Variants in CD2AP observed in about 807,000 individuals in gnomAD.
CD2AP encodes CD2-associated protein.
A neutral mutation model predicts 85.1 loss-of-function variants in CD2AP; 46 were observed. The ratio of observed to expected loss-of-function variants is 0.54; its 90% CI spans 0.43 to 0.69. The LOEUF is 0.69. Among genes scored for constraint, CD2AP ranks in the 30% least tolerant of loss-of-function variants. CD2AP has a pLI of 0.00. For missense variants in CD2AP, 769 were observed against 729.5 expected, an observed-to-expected ratio of 1.05 and a Z score of -0.62; for synonymous variants, 255 against 252.9, an observed-to-expected ratio of 1.01 and a Z score of -0.08.
At chr6:47,521,467 G>C (rs192935921) in intron 2 of CD2AP, among the ~76,000 whole-genome samples, 104 of 152,242 alleles carry the variant, frequency 6.8e-4, no homozygotes, top group African/African-American at 2.4e-3. Context: ...CAGGAGAAGT[G>C]CTTGAACCCG....
chr6:47,567,664 C>G (rs1254061667), intron 5 of CD2AP, among the ~76,000 whole-genome samples: 1 of 152,082 alleles, frequency 6.6e-6, no homozygotes, highest in African/African-American at 2.4e-5. Flanking sequence ...CCCAAAATGG[C>G]TAGGAAATTT....
At chr6:47,589,938 T>C (rs1768747310) in intron 11 of CD2AP, among the ~76,000 whole-genome samples, 2 of 152,078 alleles carry the variant, frequency 1.3e-5, no homozygotes. Flanking sequence ...CAATTCTTGA[T>C]GGGAGGAAGG....
chr6:47,533,782 A>T, intron 3 of CD2AP, 27 bp downstream of exon 3: 1 of 1,607,686 alleles, frequency 6.2e-7, no homozygotes, highest in Non-Finnish European at 8.5e-7. Flanking sequence ...TTTCCTGCAT[A>T]ATTACATCAA....
At chr6:47,622,595 A>G (rs942171632) in intron 17 of CD2AP, among the ~76,000 whole-genome samples, 2 of 152,180 alleles carry the variant, frequency 1.3e-5, no homozygotes, top group Non-Finnish European at 2.9e-5. Flanking sequence ...AAACTTCTGC[A>G]AACAGACCTT....
chr6:47,598,429 T>C (rs906806022), intron 12 of CD2AP, among the ~76,000 whole-genome samples: 1 of 151,048 alleles, frequency 6.6e-6, no homozygotes, highest in African/African-American at 2.4e-5. Flanking sequence ...TAAGTTATTA[T>C]ATGAAAAAGA....
chr6:47,561,240 C>T lies in CD2AP; in HGVS notation c.541+6474C>T, dbSNP rs149130383. ...CATGAAAACATGTACAGAACATTTC[C>T]ATCACCCCCAAAATATTGCTCATGC... On this transcript the variant is annotated intron_variant, in intron 5 of 17. Coordinates refer to ENST00000359314, the MANE Select transcript of CD2AP (RefSeq NM_012120.3). Among the ~76,000 whole-genome samples the T allele has an allele frequency of 3.5e-4, 53 of 152,264 alleles. 1 individual carries two copies. The highest frequency in any genetic ancestry group is 6.5e-4 in the Non-Finnish European group (44 of 68,022).
chr6:47,592,044 C>T (rs1017208303), intron 11 of CD2AP, among the ~76,000 whole-genome samples: 3 of 151,806 alleles, frequency 2.0e-5, no homozygotes, highest in Non-Finnish European at 4.4e-5. Context: ...ATTTGTTGCC[C>T]AGGCTTGTCA....
chr6:47,554,266 A>G (rs1256959741), intron 4 of CD2AP, among the ~76,000 whole-genome samples: 2 of 152,078 alleles, frequency 1.3e-5, no homozygotes, highest in Middle Eastern at 3.2e-3. Context: ...ATTTCCAAAT[A>G]CTTTAAATAA....
At chr6:47,491,881 A>G (rs1219633842) in intron 1 of CD2AP, among the ~76,000 whole-genome samples, 1 of 152,112 alleles carries the variant, frequency 6.6e-6, no homozygotes, top group East Asian at 1.9e-4. Context: ...AGCACCCCCA[A>G]ACAGAACCAA....
intron 4 of CD2AP, among the ~76,000 whole-genome samples, chr6:47,551,512 C>T (rs1412557546): frequency 6.6e-6 from 1 of 152,080 alleles, no homozygotes; most frequent in Middle Eastern, 3.2e-3. Flanking sequence ...TTTATTATAT[C>T]CTTGAAAGTT....
At position 47,554,722 on chromosome 6, in the gene CD2AP, A is replaced by G. The variant is rs1280386296; in HGVS notation, c.497A>G (p.Glu166Gly). 1 of 1,613,456 alleles carries G rather than the reference A, an allele frequency of 6.2e-7. No individual in the cohort carries two copies. The highest frequency in any genetic ancestry group is 1.3e-5 in the African/African-American group (1 of 74,906). ...LFPSNFVKEL[E>G]VTDDGETHEA... is the part of the protein sequence containing the mutation. ...CCCTCAAATTTTGTGAAAGAATTAG[A>G]GGTAACAGATGATGGTGAAACTCAT... is the stretch of plus-strand genomic sequence containing the variant. Residue 166 changes from glutamate to glycine, a missense_variant, in exon 5 of 18, where the codon GAG becomes GGG. Physicochemically the swap from Glu to Gly is moderately conservative, Grantham distance 98 (BLOSUM62 -2). Transcript: ENST00000359314.
chr6:47,496,051 ACTT>A (rs1272646173), intron 1 of CD2AP, among the ~76,000 whole-genome samples: 2 of 152,070 alleles, frequency 1.3e-5, no homozygotes, highest in African/African-American at 2.4e-5. Flanking sequence ...TATACTTACC[ACTT>A]CTTTTGTTTT....
At chr6:47,491,012 A>G (rs1562000832) in intron 1 of CD2AP, among the ~76,000 whole-genome samples, 1 of 152,142 alleles carries the variant, frequency 6.6e-6, no homozygotes, top group African/African-American at 2.4e-5. Context: ...CTTTAGGATG[A>G]TATTGTGCTT....
intron 6 of CD2AP, among the ~76,000 whole-genome samples, chr6:47,574,749 T>C (rs1241938676): frequency 3.9e-5 from 6 of 151,978 alleles, no homozygotes; most frequent in Non-Finnish European, 5.9e-5. Context: ...ATGTGTGGAG[T>C]ATTTTATTTC....
chr6:47,521,318 G>A (rs573687700), intron 2 of CD2AP, among the ~76,000 whole-genome samples: 62 of 152,314 alleles, frequency 4.1e-4, no homozygotes, highest in African/African-American at 1.4e-3. Flanking sequence ...TTGGGAGGTC[G>A]AGGCGGGCAG....
Position 47,579,468 on chromosome 6 carries a change from T to G in CD2AP, c.987T>G (p.Asn329Lys). The G allele has an allele frequency of 6.2e-7, 1 of 1,605,276 alleles. No homozygotes were observed. The highest frequency in any genetic ancestry group is 8.5e-7 in the Non-Finnish European group (1 of 1,171,948). Residue 329 changes from asparagine (N) to lysine (K), a missense_variant, in exon 9 of 18, where the codon AAT becomes AAG. Physicochemically the swap from Asn to Lys is moderately conservative, Grantham distance 94. Transcript: ENST00000359314. ...VFPDNFAVQI[N>K]ELDKDFPKPK... ...CAGACAATTTTGCTGTCCAGATAAA[T>G]GAACTTGATAAAGACTTTCCAGTAA... is the stretch of plus-strand genomic sequence containing the variant.
In CD2AP at chr6:47,609,536, A is replaced by G. The variant is rs796968940; in HGVS notation, c.1814+232A>G. On this transcript the variant is annotated intron_variant, in intron 16 of 17. Transcript: ENST00000359314. ...TGCAAAAAAAAAAAAAAAAAAGAAA[A>G]GAAAAGAAAAGAAAAAGCCAGGCTT... 7 of 404,470 alleles carry G rather than the reference A, an allele frequency of 1.7e-5. No individual in the cohort carries two copies. The East Asian group carries it at 2.9e-4, about 17-fold the overall frequency. The allele number at this position is 404,470 out of a possible 1,614,324, so 25.1% of individuals were successfully genotyped here. A position where few individuals can be genotyped will look rare whatever the true frequency, so the allele number is the denominator to read the frequency against.
intron 15 of CD2AP, among the ~76,000 whole-genome samples, chr6:47,608,431 C>G (rs879615825): frequency 6.6e-6 from 1 of 152,072 alleles, no homozygotes; most frequent in Non-Finnish European, 1.5e-5. Flanking sequence ...ATCCTTTCAT[C>G]TGTTACATGT....
At chr6:47,607,041 A>C (rs1769295520) in intron 14 of CD2AP, among the ~76,000 whole-genome samples, 1 of 151,958 alleles carries the variant, frequency 6.6e-6, no homozygotes, top group African/African-American at 2.4e-5. Context: ...TTTAATTTTT[A>C]TAGTGAGAAT....
Sources: allele counts gnomAD v4.1 joint callset (sites outside exome capture counted in the v4.1 genomes callset), GRCh38; gene constraint gnomAD v4.1.1; transcripts MANE v1.5; gene names NCBI Gene and HGNC (gene_info 2026-07-23, HGNC 2026-07-21).